Variants in IRAG1 observed in about 807,000 individuals in gnomAD.
The protein encoded by IRAG1 is inositol 1,4,5-triphosphate receptor associated 1.
Under a neutral mutation model 106.2 loss-of-function variants are expected in IRAG1, and 62 were observed. The ratio of observed to expected loss-of-function variants is 0.58; its 90% CI spans 0.48 to 0.72. The LOEUF is 0.72. IRAG1 is among the 30% of genes least tolerant of loss of function. IRAG1 has a pLI of 0.00. For missense variants in IRAG1, 1,064 were observed against 1,140.7 expected, an observed-to-expected ratio of 0.93 and a Z score of 0.97; for synonymous variants, 462 against 443.9, an observed-to-expected ratio of 1.04 and a Z score of -0.51.
intron 14 of IRAG1, 97 bp downstream of exon 14, chr11:10,603,023 C>A: frequency 2.1e-6 from 3 of 1,423,190 alleles, no homozygotes; most frequent in Non-Finnish European, 1.9e-6. Flanking sequence ...GAGGAAGCCA[C>A]CTCTAAGTGG....
intron 1 of IRAG1, among the ~76,000 whole-genome samples, chr11:10,661,215 T>C (rs1235060315): frequency 2.8e-4 from 42 of 152,176 alleles, no homozygotes; most frequent in Non-Finnish European, 1.0e-4. Context: ...ATGCCCTGCT[T>C]TTTTACACCC....
At chr11:10,616,240 C>CAAG (rs1855417210) in intron 10 of IRAG1, among the ~76,000 whole-genome samples, 1 of 147,434 alleles carries the variant, frequency 6.8e-6, no homozygotes, top group Non-Finnish European at 1.5e-5. Context: ...TTGCAGTGAG[C>CAAG]TGAGATGGCA....
chr11:10,578,134 C>A (rs1390049787), intron 20 of IRAG1, among the ~76,000 whole-genome samples: 1 of 152,156 alleles, frequency 6.6e-6, no homozygotes, highest in African/African-American at 2.4e-5. Context: ...TAGCTGGTCA[C>A]CCATGCCTGG....
At position 10,627,715 on chromosome 11, in the gene IRAG1, C is replaced by T; in HGVS notation, c.750+1G>A. ...CCAAAGGGAGCAAAGCTCAAACTCA[C>T]AGGCTCGCCAGGGTGAGGTGAAGAG... On this transcript the variant is annotated splice_donor_variant, in intron 8 of 20. Transcript: ENST00000423302. LOFTEE classifies it high-confidence loss of function. 1.2e-6 allele frequency: 2 copies of T among 1,614,010 alleles called. No individual in the cohort carries two copies. The highest frequency in any genetic ancestry group is 1.7e-6 in the Non-Finnish European group (2 of 1,179,896).
chr11:10,633,114 G>A (rs183183941), intron 3 of IRAG1, among the ~76,000 whole-genome samples: 174 of 129,600 alleles, frequency 1.3e-3, no homozygotes, highest in East Asian at 3.8e-3. Context: ...TCGCACTGTC[G>A]CCCAGGCTGG....
intron 10 of IRAG1, among the ~76,000 whole-genome samples, chr11:10,613,280 C>A (rs959160505): frequency 6.9e-6 from 1 of 144,924 alleles, no homozygotes; most frequent in Non-Finnish European, 1.5e-5. Context: ...AAAAAAAAAC[C>A]CAGACATCTA....
At chr11:10,619,066 C>A (rs758705939) in intron 10 of IRAG1, among the ~76,000 whole-genome samples, 21 of 152,134 alleles carry the variant, frequency 1.4e-4, no homozygotes, top group African/African-American at 4.3e-4. Flanking sequence ...GGGCCTGAAC[C>A]CTTTTCACTT....
Position 10,668,781 on chromosome 11 carries a change from G to C in IRAG1, c.68-16599C>G, listed in dbSNP as rs370789171. 9.9e-5 allele frequency among the ~76,000 whole-genome samples: 15 copies of C among 152,276 alleles called. No individual in the cohort carries two copies. The South Asian group carries it at 2.5e-3, about 25-fold the overall frequency. On this transcript the variant is annotated intron_variant, in intron 1 of 20. Coordinates refer to ENST00000423302, the MANE Select transcript of IRAG1 (RefSeq NM_130385.4). The stretch of plus-strand genomic sequence containing the variant: ...CTCATCTTTGTATCTCTAACATTTG[G>C]TATATAATTAGGGCTTGGTATATGT...
Position 10,628,612 on chromosome 11 carries a change from T to A in IRAG1, c.652+139A>T. 1.4e-6 allele frequency: 1 copy of A among 696,120 alleles called. No individual in the cohort carries two copies. The highest frequency in any genetic ancestry group is 2.3e-6 in the Non-Finnish European group (1 of 438,190). 43.1% of individuals were successfully genotyped at this position (696,120 alleles called of 1,614,324 possible). A position where few individuals can be genotyped will look rare whatever the true frequency, so the allele number is the denominator to read the frequency against. On this transcript the variant is annotated intron_variant, in intron 6 of 20. Coordinates refer to ENST00000423302, the MANE Select transcript of IRAG1 (RefSeq NM_130385.4). The surrounding 1 kb of genome is among the most constrained non-coding windows in gnomAD (Gnocchi z 4.1). ...AGCAAATGCCCCCCCTGGAGAGGGG[T>A]CTTGCTCTGGGTGTGAAGGGGCCAT...
At chr11:10,664,444 C>G (rs1859639872) in intron 1 of IRAG1, among the ~76,000 whole-genome samples, 1 of 152,146 alleles carries the variant, frequency 6.6e-6, no homozygotes. Context: ...GGGACAGGGC[C>G]TTGTGGGGAG....
intron 4 of IRAG1, 120 bp downstream of exon 4, chr11:10,631,871 C>A: frequency 2.6e-6 from 2 of 755,100 alleles, no homozygotes; most frequent in Non-Finnish European, 4.7e-6. Context: ...TCTACCCTGT[C>A]CTGTTGGACT....
intron 18 of IRAG1, among the ~76,000 whole-genome samples, chr11:10,586,849 G>A (rs555305127): frequency 6.6e-6 from 1 of 152,304 alleles, no homozygotes; most frequent in South Asian, 2.1e-4. Context: ...TCAGAATAGT[G>A]CCTGGCATAC....
At chr11:10,645,635 T>C (rs1857879716) in intron 2 of IRAG1, among the ~76,000 whole-genome samples, 1 of 152,240 alleles carries the variant, frequency 6.6e-6, no homozygotes, top group Non-Finnish European at 1.5e-5. Flanking sequence ...CAGTGACACA[T>C]GTGGAAACTT....
At position 10,659,739 on chromosome 11, in the gene IRAG1, T is replaced by A. The variant is rs181230309; in HGVS notation, c.68-7557A>T. On this transcript the variant is annotated intron_variant, in intron 1 of 20. Coordinates refer to ENST00000423302, the MANE Select transcript of IRAG1 (RefSeq NM_130385.4). The surrounding 1 kb of genome is among the most constrained non-coding windows in gnomAD (Gnocchi z 4.1). ...TTAAAAATAGGTCCACTTGAAAAAA[T>A]TTTTTCTTCTTCAAAATATGTACAA... Among the ~76,000 whole-genome samples, 4 of 151,816 alleles carry A rather than the reference T, an allele frequency of 2.6e-5. No homozygotes were observed. The East Asian group carries it at 7.7e-4, about 29-fold the overall frequency.
rs567964069 is a variant in IRAG1 at position 10,659,575 on chromosome 11, C to T, written c.68-7393G>A. 6.6e-6 allele frequency among the ~76,000 whole-genome samples: 1 copy of T among 152,268 alleles called. No individual in the cohort carries two copies. The highest frequency in any genetic ancestry group is 1.9e-4 in the East Asian group (1 of 5,166). On this transcript the variant is annotated intron_variant, in intron 1 of 20. Transcript: ENST00000423302. The surrounding 1 kb of genome is among the most constrained non-coding windows in gnomAD (Gnocchi z 4.1). ...ATTTTCTCCAGCCCTGCTCTCCGCT[C>T]CTGTGGAGCTCGTATAGGCTTTGTT...
At chr11:10,581,783 G>A (rs117152508) in intron 19 of IRAG1, 84 bp downstream of exon 19, 24,176 of 1,524,804 alleles carry the variant, frequency 0.016, 243 homozygotes, top group Middle Eastern at 0.027. Flanking sequence ...CTTCCCTAAA[G>A]CCTCTAAGAA....
At position 10,626,515 on chromosome 11, in the gene IRAG1, A is replaced by C. The variant is rs1856255600; in HGVS notation, c.819T>G (p.Ala273=). 6.2e-7 allele frequency: 1 copy of C among 1,613,290 alleles called. No individual in the cohort carries two copies. The highest frequency in any genetic ancestry group is 1.3e-5 in the African/African-American group (1 of 74,886). Residue 273 remains alanine, a synonymous_variant, in exon 9 of 21, where the codon GCT becomes GCG. Transcript: ENST00000423302. ...ACTTCTCAACTGGAGGAGGACGAGGAGCCAGCCTGCCCTGAGACACTTTCC... is the reference window on the plus strand; with the variant it reads ...ACTTCTCAACTGGAGGAGGACGAGGCGCCAGCCTGCCCTGAGACACTTTCC... ...DQRKVSQGRL[A]PRPPPVEKSK...
chr11:10,601,990 G>T (rs1854066276), intron 14 of IRAG1, among the ~76,000 whole-genome samples: 2 of 152,262 alleles, frequency 1.3e-5, no homozygotes, highest in Admixed American at 1.3e-4. Flanking sequence ...TCATACCCCA[G>T]TTAGATCCCT....
At chr11:10,608,243 G>T (rs1854644099) in intron 11 of IRAG1, among the ~76,000 whole-genome samples, 1 of 152,138 alleles carries the variant, frequency 6.6e-6, no homozygotes, top group African/African-American at 2.4e-5. Context: ...TCCTGCCTCA[G>T]CCACCAGAGT....
Sources: allele counts gnomAD v4.1 joint callset (sites outside exome capture counted in the v4.1 genomes callset), GRCh38; gene constraint gnomAD v4.1.1; non-coding constraint Gnocchi (gnomAD v3.1); transcripts MANE v1.5; gene names NCBI Gene and HGNC (gene_info 2026-07-23, HGNC 2026-07-21).